ESYT2: variants seen among roughly 807,000 people sequenced by gnomAD.
ESYT2 encodes the protein extended synaptotagmin-2.
In ESYT2, 54 loss-of-function variants were observed where a neutral mutation model predicts 107.2. The ratio of observed to expected loss-of-function variants is 0.50; its 90% CI spans 0.40 to 0.63. The LOEUF (loss-of-function observed/expected upper bound fraction) is 0.63, where lower values mean the gene tolerates loss of function less well. Ranked by LOEUF, ESYT2 falls within the 30% of genes least tolerant of loss-of-function variation. ESYT2 has a pLI of 0.00. For synonymous variants in ESYT2, 491 were observed against 434.1 expected (o/e 1.13, Z -1.63); for missense variants, 1,020 against 1,094.5 (o/e 0.93, Z 0.96).
Position 158,797,992 on chromosome 7 carries a change from T to C in ESYT2, c.457A>G (p.Asn153Asp), listed in dbSNP as rs1308597508. ...AAACTAAAGGTGCTAAGGTGGGTGT[T>C]TGCTCCCCGCACGGCTGGTTCTATA... Reference protein sequence around the residue: ...ETIEPAVRGANTHLSTFSFTK... With the variant: ...ETIEPAVRGADTHLSTFSFTK... The change falls in exon 3 of 23, where the codon AAC becomes GAC. Residue 153 changes from asparagine to aspartate, a missense_variant. Physicochemically the swap from Asn to Asp is conservative, Grantham distance 23. Transcript: ENST00000275418. 1.2e-6 allele frequency: 2 copies of C among 1,614,034 alleles called. No homozygotes were observed. The highest frequency in any genetic ancestry group is 2.7e-5 in the African/African-American group (2 of 74,928).
intron 17 of ESYT2, among the ~76,000 whole-genome samples, chr7:158,742,984 CTTTAT>C (rs1389345398): frequency 6.6e-6 from 1 of 152,152 alleles, no homozygotes; most frequent in Non-Finnish European, 1.5e-5. Context: ...AAAGCTGGCT[CTTTAT>C]TTTAATTTGC....
At chr7:158,815,488 T>C (rs1247198678) in intron 1 of ESYT2, among the ~76,000 whole-genome samples, 2 of 152,146 alleles carry the variant, frequency 1.3e-5, no homozygotes, top group Non-Finnish European at 2.9e-5. Flanking sequence ...CCCTCATGCT[T>C]AGATATGTGT....
chr7:158,782,368 G>A (rs1225999766), intron 6 of ESYT2, among the ~76,000 whole-genome samples: 1 of 132,802 alleles, frequency 7.5e-6, no homozygotes, highest in Non-Finnish European at 1.6e-5. Context: ...GAGTGAACGA[G>A]TGTGAGAACA....
chr7:158,776,019 A>G (rs1838548748), intron 6 of ESYT2, among the ~76,000 whole-genome samples: 1 of 152,252 alleles, frequency 6.6e-6, no homozygotes, highest in Non-Finnish European at 1.5e-5. Flanking sequence ...GTACACCTGC[A>G]TCAGATCTCC....
chr7:158,784,173 A>C (rs189566790), intron 6 of ESYT2, among the ~76,000 whole-genome samples: 101 of 152,298 alleles, frequency 6.6e-4, no homozygotes, highest in Non-Finnish European at 1.0e-4. Context: ...TGTCCAAAAT[A>C]ATATAAACAT....
Position 158,809,598 on chromosome 7 carries a change from G to A in ESYT2, c.331-10526C>T, listed in dbSNP as rs116516465. On this transcript the variant is annotated intron_variant, in intron 1 of 22. Transcript: ENST00000275418. Reference sequence around the variant, plus strand: ...CATGAAAAGATGCTCAACATTATGAGTTAGAGAAATACAAATCAAAATCAC... The same window carrying A: ...CATGAAAAGATGCTCAACATTATGAATTAGAGAAATACAAATCAAAATCAC... Among the ~76,000 whole-genome samples, 1,322 of 151,912 alleles carry A rather than the reference G, an allele frequency of 8.7e-3. 15 individuals carry two copies. The highest frequency in any genetic ancestry group is 0.03 in the African/African-American group (1,254 of 41,406).
chr7:158,762,821 AATTT>A (rs1488923989), intron 10 of ESYT2, among the ~76,000 whole-genome samples: 1 of 152,234 alleles, frequency 6.6e-6, no homozygotes, highest in East Asian at 1.9e-4. Flanking sequence ...GATAGTTTTT[AATTT>A]ATTTAACTTT....
chr7:158,788,989 T>C (rs906716736), intron 4 of ESYT2, among the ~76,000 whole-genome samples: 1 of 152,158 alleles, frequency 6.6e-6, no homozygotes, highest in Admixed American at 6.5e-5. Flanking sequence ...ACAAACATAA[T>C]GCTAAAGGCA....
At position 158,734,132 on chromosome 7, in the gene ESYT2, G is replaced by A; in HGVS notation, c.*75C>T. The A allele has an allele frequency of 1.4e-6, 2 of 1,473,634 alleles. No individual in the cohort carries two copies. The highest frequency in any genetic ancestry group is 1.7e-5 in the Admixed American group (1 of 57,576). The allele number at this position is 1,473,634 out of a possible 1,614,324, so 91.3% of individuals were successfully genotyped here. A position where few individuals can be genotyped will look rare whatever the true frequency, so the allele number is the denominator to read the frequency against. The stretch of plus-strand genomic sequence containing the variant: ...CCATGAAATTATAAAAATAACATTG[G>A]TACGTCTGTGAGAGGGTGTGTTCCG... On this transcript the variant is annotated 3_prime_UTR_variant, in exon 23 of 23. Transcript: ENST00000275418.
intron 1 of ESYT2, among the ~76,000 whole-genome samples, chr7:158,825,261 T>C (rs2129474422): frequency 6.6e-6 from 1 of 152,138 alleles, no homozygotes; most frequent in South Asian, 2.1e-4. Flanking sequence ...CCACTGCCCT[T>C]CATCCTGGGC....
rs1270073107 is a variant in ESYT2, at chr7:158,756,937, AAAG to A, written c.1419+2546_1419+2548del. Among the ~76,000 whole-genome samples the A allele has an allele frequency of 2.6e-5, 4 of 151,894 alleles. No homozygotes were observed. In the East Asian group the frequency reaches 5.8e-4, roughly 22 times the overall value. On this transcript the variant is annotated intron_variant, in intron 13 of 22. Coordinates refer to ENST00000275418, the MANE Select transcript of ESYT2 (RefSeq NM_001367773.1). The stretch of plus-strand genomic sequence containing the variant: ...ATTAAAAAAAAAAAAAAAAAAAAAA[AAAG>A]GAGGGGATAGATTTTAAAACAGTTT...
At chr7:158,745,221 T>C (rs10271759) in intron 16 of ESYT2, among the ~76,000 whole-genome samples, 6,038 of 77,266 alleles carry the variant, frequency 0.078, 325 homozygotes, top group East Asian at 0.22. Flanking sequence ...TGAGACAGGG[T>C]CAGGCAAGCG....
rs1440788485 is a variant in ESYT2, at chr7:158,739,055, T to C, written c.2235A>G (p.Arg745=). ...CATGCACGACCACGATAAGCTTGTTTCTCTGCGAGCTGTGCCGGATGGTCA... is the reference window on the plus strand; with the variant it reads ...CATGCACGACCACGATAAGCTTGTTCCTCTGCGAGCTGTGCCGGATGGTCA... ...IQLTIRHSSQ[R]NKLIVVVHAC... is the part of the protein sequence containing the mutation. The change falls in exon 19 of 23, where the codon AGA becomes AGG. Residue 745 remains arginine (R), a synonymous_variant. Transcript: ENST00000275418. The C allele has an allele frequency of 1.2e-6, 2 of 1,614,006 alleles. No individual in the cohort carries two copies. The highest frequency in any genetic ancestry group is 2.7e-5 in the African/African-American group (2 of 74,916).
intron 6 of ESYT2, among the ~76,000 whole-genome samples, chr7:158,780,921 C>T (rs1016190461): frequency 4.6e-5 from 7 of 152,230 alleles, no homozygotes; most frequent in African/African-American, 1.7e-4. Flanking sequence ...AAAGGAAACA[C>T]GTGTGTATGA....
intron 16 of ESYT2, chr7:158,744,366 A>C (rs941757002): frequency 6.6e-6 from 1 of 152,234 alleles, no homozygotes; most frequent in East Asian, 1.9e-4. Flanking sequence ...AATAGGCAAT[A>C]GTCTACCTGT....
chr7:158,735,020 A>G (rs1450224755), intron 21 of ESYT2, among the ~76,000 whole-genome samples: 4 of 152,220 alleles, frequency 2.6e-5, no homozygotes, highest in South Asian at 2.1e-4. Flanking sequence ...CTATGACGGA[A>G]TATCAGCGGA....
Position 158,759,538 on chromosome 7 carries a change from C to T in ESYT2, c.1367G>A (p.Gly456Asp). ...CAAGATCAGCAATGCAGAGGAAAGA[C>T]CATCGTTGGCTTGGTCTTTGTCAGC... ...IKADKDQAND[G>D]LSSALLILYL... Residue 456 changes from glycine to aspartate, a missense_variant, in exon 13 of 23, where the codon GGT (glycine) becomes GAT (aspartate). By Grantham distance (94) the Gly-to-Asp change is moderately conservative. Transcript: ENST00000275418. 6.2e-7 allele frequency: 1 copy of T among 1,612,688 alleles called. No individual in the cohort carries two copies. The highest frequency in any genetic ancestry group is 1.7e-5 in the Admixed American group (1 of 59,990).
intron 16 of ESYT2, 36 bp from the exon 17 acceptor site, chr7:158,743,714 G>C: frequency 6.3e-7 from 1 of 1,589,888 alleles, no homozygotes; most frequent in Non-Finnish European, 8.5e-7. Flanking sequence ...GGCATAACTA[G>C]GATCATGTCT....
chr7:158,765,515 A>G (rs1268940220), intron 8 of ESYT2, among the ~76,000 whole-genome samples: 1 of 151,812 alleles, frequency 6.6e-6, no homozygotes, highest in Non-Finnish European at 1.5e-5. Flanking sequence ...GGGTAGATCA[A>G]TTGAGGCCAG....
Sources: allele counts gnomAD v4.1 joint callset (sites outside exome capture counted in the v4.1 genomes callset), GRCh38; gene constraint gnomAD v4.1.1; transcripts MANE v1.5; gene names NCBI Gene and HGNC (gene_info 2026-07-23, HGNC 2026-07-21).